PDE4B: variants seen among roughly 807,000 people sequenced by gnomAD.
PDE4B encodes the protein 3',5'-cyclic-AMP phosphodiesterase 4B.
A neutral mutation model predicts 82.2 loss-of-function variants in PDE4B; 20 were observed. The ratio of observed to expected loss-of-function variants is 0.24; its 90% CI spans 0.17 to 0.35. The LOEUF (loss-of-function observed/expected upper bound fraction) is 0.35. Ranked by LOEUF, PDE4B falls within the 10% of genes least tolerant of loss-of-function variation. The pLI, the probability that PDE4B is intolerant of heterozygous loss-of-function variation, is 1.00. For missense variants in PDE4B, 655 were observed against 907.2 expected (o/e 0.72, Z 3.57); for synonymous variants, 320 against 318.9 (o/e 1.00, Z -0.04).
At chr1:65,995,168 A>T (rs1651469667) in intron 3 of PDE4B, among the ~76,000 whole-genome samples, 1 of 152,010 alleles carries the variant, frequency 6.6e-6, no homozygotes, top group Admixed American at 6.6e-5. Context: ...TTTGACTATG[A>T]TTCATTTTCA....
chr1:66,347,516 G>A (rs1204714463), intron 8 of PDE4B, among the ~76,000 whole-genome samples: 2 of 152,174 alleles, frequency 1.3e-5, no homozygotes, highest in African/African-American at 4.8e-5. Context: ...TTCAGGGAAG[G>A]AAAGGATAGA....
chr1:66,354,937 A>T (rs1170885469), intron 8 of PDE4B: 2 of 1,509,592 alleles, frequency 1.3e-6, no homozygotes, highest in Admixed American at 3.9e-5. Flanking sequence ...ATAAAATGTG[A>T]AACGTACCTC....
intron 8 of PDE4B, among the ~76,000 whole-genome samples, chr1:66,343,007 T>G (rs1661121342): frequency 6.6e-6 from 1 of 151,620 alleles, no homozygotes; most frequent in Admixed American, 6.6e-5. Flanking sequence ...ATCGCACTAC[T>G]GCACTTCTGC....
intron 3 of PDE4B, among the ~76,000 whole-genome samples, chr1:66,104,240 C>T (rs1010112142): frequency 2.0e-5 from 3 of 152,062 alleles, no homozygotes; most frequent in African/African-American, 7.2e-5. Context: ...TTTCCAATTT[C>T]ATCCATGTCC....
intron 3 of PDE4B, among the ~76,000 whole-genome samples, chr1:65,972,429 G>GTT (rs964179352): frequency 6.6e-6 from 1 of 152,080 alleles, no homozygotes; most frequent in Non-Finnish European, 1.5e-5. Flanking sequence ...AGCTTTTTGA[G>GTT]TTTTAGAATT....
intron 3 of PDE4B, among the ~76,000 whole-genome samples, chr1:65,950,949 G>A (rs145456904): frequency 1.7e-4 from 26 of 152,154 alleles, no homozygotes; most frequent in Non-Finnish European, 2.4e-4. Context: ...TCTTTAAACC[G>A]TCTGGAAATC....
At chr1:66,278,028 ATAAAGCAC>A (rs1656017522) in intron 7 of PDE4B, among the ~76,000 whole-genome samples, 1 of 152,258 alleles carries the variant, frequency 6.6e-6, no homozygotes, top group African/African-American at 2.4e-5. Flanking sequence ...GCTGGCACAC[ATAAAGCAC>A]TAAATAAATA....
At chr1:66,101,296 G>A (rs1439508197) in intron 3 of PDE4B, among the ~76,000 whole-genome samples, 1 of 152,146 alleles carries the variant, frequency 6.6e-6, no homozygotes, top group Non-Finnish European at 1.5e-5. Context: ...AAACATACAT[G>A]TGCATGTGTC....
At chr1:65,893,655 C>T (rs1297786921) in intron 1 of PDE4B, among the ~76,000 whole-genome samples, 1 of 132,524 alleles carries the variant, frequency 7.5e-6, no homozygotes, top group African/African-American at 2.6e-5. Flanking sequence ...TATCAATCTA[C>T]CCAAAGGAAA....
At chr1:66,275,344 G>A (rs763113102) in intron 7 of PDE4B, among the ~76,000 whole-genome samples, 5 of 152,118 alleles carry the variant, frequency 3.3e-5, no homozygotes, top group Non-Finnish European at 5.9e-5. Flanking sequence ...AGGGAGTAGC[G>A]CTAGGAGCTG....
At chr1:66,009,678 C>G (rs926091970) in intron 3 of PDE4B, among the ~76,000 whole-genome samples, 15 of 152,130 alleles carry the variant, frequency 9.9e-5, no homozygotes, top group Admixed American at 4.6e-4. Context: ...AAAAAACTTT[C>G]TCCAGATATC....
chr1:66,137,738 T>C lies in PDE4B; in HGVS notation c.282-109722T>C, dbSNP rs191955221. On this transcript the variant is annotated intron_variant, in intron 3 of 16. Coordinates refer to ENST00000341517, the MANE Select transcript of PDE4B (RefSeq NM_002600.4). ...TATCGGCCCATCAAAGAATAAGAGG[T>C]AAAAATAGAAAATTGCAAAAGGAGT... Among the ~76,000 whole-genome samples, 345 of 152,236 alleles carry C rather than the reference T, an allele frequency of 2.3e-3. 2 individuals are homozygous for C. The highest frequency in any genetic ancestry group is 7.9e-3 in the African/African-American group (328 of 41,552).
At chr1:66,336,436 A>G (rs999522403) in intron 8 of PDE4B, among the ~76,000 whole-genome samples, 1 of 152,204 alleles carries the variant, frequency 6.6e-6, no homozygotes, top group Non-Finnish European at 1.5e-5. Context: ...CCAGAATGCT[A>G]AATGTTTTTC....
At chr1:66,121,628 G>A (rs1645711007) in intron 3 of PDE4B, among the ~76,000 whole-genome samples, 1 of 152,164 alleles carries the variant, frequency 6.6e-6, no homozygotes, top group Non-Finnish European at 1.5e-5. Context: ...GAGTTTCGAG[G>A]TAGAAAATCT....
At chr1:66,181,397 GA>G (rs1424080485) in intron 3 of PDE4B, among the ~76,000 whole-genome samples, 1 of 152,138 alleles carries the variant, frequency 6.6e-6, no homozygotes, top group Non-Finnish European at 1.5e-5. Context: ...GCTCCTCATT[GA>G]AAAAGCAAGT....
chr1:66,322,359 T>C (rs959411505), intron 7 of PDE4B, among the ~76,000 whole-genome samples: 7 of 152,084 alleles, frequency 4.6e-5, no homozygotes, highest in African/African-American at 1.7e-4. Flanking sequence ...CAAAAGAAAC[T>C]ATCATCAGAG....
chr1:65,952,246 CAT>C (rs1227095003), intron 3 of PDE4B, among the ~76,000 whole-genome samples: 2 of 152,042 alleles, frequency 1.3e-5, no homozygotes, highest in Non-Finnish European at 2.9e-5. Context: ...GATACCACCC[CAT>C]TAGCTTCAGG....
intron 3 of PDE4B, among the ~76,000 whole-genome samples, chr1:66,170,152 A>G (rs1190997295): frequency 6.6e-5 from 10 of 152,190 alleles, no homozygotes; most frequent in African/African-American, 1.9e-4. Flanking sequence ...AGGATGTTGC[A>G]CATTAGTTCC....
chr1:66,326,181 G>GT (rs1449937004), intron 7 of PDE4B, among the ~76,000 whole-genome samples: 2 of 152,142 alleles, frequency 1.3e-5, no homozygotes, highest in African/African-American at 2.4e-5. Flanking sequence ...TTCTGCTCTT[G>GT]TTTTTTTAAA....
Sources: gnomAD v4.1 joint callset for allele counts (sites outside exome capture counted in the v4.1 genomes callset) on GRCh38, gnomAD v4.1.1 for gene constraint, MANE v1.5 for transcripts, NCBI Gene and HGNC (gene_info 2026-07-23, HGNC 2026-07-21) for gene names.